RAB27B: variants seen among roughly 807,000 people sequenced by gnomAD.
RAB27B encodes RAB27B, member RAS oncogene family, also known as ras-related protein Rab-27B.
A neutral mutation model predicts 24.6 loss-of-function variants in RAB27B; 15 were observed. The ratio of observed to expected loss-of-function variants is 0.61; its 90% CI spans 0.41 to 0.94. The LOEUF (loss-of-function observed/expected upper bound fraction) is 0.94. RAB27B is among the 40% of genes least tolerant of loss of function. The pLI is 0.00. For synonymous variants in RAB27B, 105 were observed against 92.5 expected, an observed-to-expected ratio of 1.14 and a Z score of -0.78; for missense variants, 261 against 266.8, an observed-to-expected ratio of 0.98 and a Z score of 0.15.
intron 2 of RAB27B, among the ~76,000 whole-genome samples, chr18:54,878,768 T>A (rs202067781): frequency 2.0e-5 from 3 of 146,638 alleles, no homozygotes; most frequent in African/African-American, 7.4e-5. Context: ...TTTAAAAAAA[T>A]TAAACTTACC....
rs1423742777 is a variant in RAB27B, at chr18:54,890,702, A to G, written c.*1289A>G. The stretch of plus-strand genomic sequence containing the variant: ...TATTACAATATGATTTTATTTTGCC[A>G]AAGGCAAGACACCTATAGTTGAGCT... On this transcript the variant is annotated 3_prime_UTR_variant, in exon 6 of 6. Coordinates refer to ENST00000262094, the MANE Select transcript of RAB27B (RefSeq NM_004163.4). The G allele has an allele frequency of 4.6e-5, 7 of 152,152 alleles. No individual in the cohort carries two copies. The highest frequency in any genetic ancestry group is 7.2e-5 in the African/African-American group (3 of 41,448). The allele number at this position is 152,152 out of a possible 1,614,324, so 9.4% of individuals were successfully genotyped here.
At chr18:54,780,545 C>T (rs1368550873) in intron 2 of RAB27B, among the ~76,000 whole-genome samples, 1 of 152,148 alleles carries the variant, frequency 6.6e-6, no homozygotes. Flanking sequence ...ACTGTGTCCT[C>T]GCGTGGCCTT....
chr18:54,736,826 A>G (rs186056909), intron 2 of RAB27B, among the ~76,000 whole-genome samples: 1 of 152,302 alleles, frequency 6.6e-6, no homozygotes, highest in East Asian at 1.9e-4. Context: ...TGAGTTTTTC[A>G]TTGGATAGGA....
At chr18:54,768,397 G>A (rs1261127904) in intron 2 of RAB27B, among the ~76,000 whole-genome samples, 2 of 152,064 alleles carry the variant, frequency 1.3e-5, no homozygotes, top group African/African-American at 4.8e-5. Context: ...TTGTTTGAAG[G>A]TACCGAACAG....
Position 54,855,290 on chromosome 18 carries a change from G to T in RAB27B, c.-19-22277G>T, listed in dbSNP as rs9946443. ...CAGATGAAGCTTTGCTTCCTCACTG[G>T]CTGCTCACCTCCTGCTGTGCAGCCC... On this transcript the variant is annotated intron_variant, in intron 1 of 5. Coordinates refer to ENST00000262094, the MANE Select transcript of RAB27B (RefSeq NM_004163.4). 4.1e-3 allele frequency among the ~76,000 whole-genome samples: 630 copies of T among 152,282 alleles called. 4 individuals carry two copies. Among genetic ancestry groups the T allele is most frequent in the African/African-American group, 0.014 (601 of 41,548 alleles).
At chr18:54,793,044 A>G (rs1435631045) in intron 2 of RAB27B, among the ~76,000 whole-genome samples, 2 of 151,618 alleles carry the variant, frequency 1.3e-5, no homozygotes, top group East Asian at 1.9e-4. Flanking sequence ...AAAAATCTGC[A>G]TTTAAATTGA....
chr18:54,764,641 T>C (rs909250483), intron 2 of RAB27B, among the ~76,000 whole-genome samples: 1 of 151,516 alleles, frequency 6.6e-6, no homozygotes, highest in Non-Finnish European at 1.5e-5. Flanking sequence ...CCTCCACCAA[T>C]CCTATTCTCT....
intron 2 of RAB27B, among the ~76,000 whole-genome samples, chr18:54,819,948 A>T (rs1444443847): frequency 1.3e-5 from 2 of 151,942 alleles, no homozygotes; most frequent in African/African-American, 2.4e-5. Context: ...AAGGATATGA[A>T]CTCATCATTT....
intron 2 of RAB27B, among the ~76,000 whole-genome samples, chr18:54,733,460 C>T (rs928813780): frequency 1.3e-5 from 2 of 152,070 alleles, no homozygotes; most frequent in African/African-American, 2.4e-5. Context: ...GTGTAGAACT[C>T]TACAATATTG....
intron 2 of RAB27B, among the ~76,000 whole-genome samples, chr18:54,804,241 G>T (rs528656752): frequency 3.9e-5 from 6 of 152,158 alleles, no homozygotes; most frequent in Non-Finnish European, 8.8e-5. Flanking sequence ...CCAAATAACT[G>T]GTGGTATGGT....
At chr18:54,763,475 G>A (rs1908260526) in intron 2 of RAB27B, among the ~76,000 whole-genome samples, 2 of 152,092 alleles carry the variant, frequency 1.3e-5, no homozygotes, top group Non-Finnish European at 2.9e-5. Flanking sequence ...AGCTATGATG[G>A]GTTGCATGAT....
intron 1 of RAB27B, among the ~76,000 whole-genome samples, chr18:54,851,466 C>T (rs1911585416): frequency 6.6e-6 from 1 of 151,950 alleles, no homozygotes; most frequent in Non-Finnish European, 1.5e-5. Flanking sequence ...ATTCTTTTCC[C>T]TTTTTTTGCA....
chr18:54,814,018 T>C (rs1169754850), intron 2 of RAB27B, among the ~76,000 whole-genome samples: 1 of 152,218 alleles, frequency 6.6e-6, no homozygotes, highest in African/African-American at 2.4e-5. Context: ...ACTTTCCCTA[T>C]GTATGCTGTT....
chr18:54,795,148 C>G (rs937330064), intron 2 of RAB27B, among the ~76,000 whole-genome samples: 3 of 152,112 alleles, frequency 2.0e-5, no homozygotes, highest in African/African-American at 4.8e-5. Flanking sequence ...GTGATGCTAC[C>G]ACAATGCCAT....
Position 54,890,908 on chromosome 18 carries a change from C to A in RAB27B, c.*1495C>A, listed in dbSNP as rs976442051. On this transcript the variant is annotated 3_prime_UTR_variant, in exon 6 of 6. Transcript: ENST00000262094. Reference sequence around the variant, plus strand: ...TTACATTAATTTTTAATCTTAGTTTCTGATAAACACAAGCCATTCCTATCA... The same window carrying A: ...TTACATTAATTTTTAATCTTAGTTTATGATAAACACAAGCCATTCCTATCA... 1 of 151,910 alleles carries A rather than the reference C, an allele frequency of 6.6e-6. No homozygotes were observed. Among genetic ancestry groups the A allele is most frequent in the South Asian group, 2.1e-4 (1 of 4,824 alleles). The allele number at this position is 151,910 out of a possible 1,614,324, so 9.4% of individuals were successfully genotyped here. A position where few individuals can be genotyped will look rare whatever the true frequency, so the allele number is the denominator to read the frequency against.
intron 4 of RAB27B, 49 bp downstream of exon 4, chr18:54,884,485 C>T (rs3737477): frequency 0.3 from 360,830 of 1,211,928 alleles, 56,695 homozygotes; most frequent in East Asian, 0.46. Flanking sequence ...ACTCAACTGC[C>T]TTAGGTGCTT....
chr18:54,880,334 AT>A (rs1194762348), intron 3 of RAB27B: 1 of 152,172 alleles, frequency 6.6e-6, no homozygotes, highest in Non-Finnish European at 1.5e-5. Context: ...GGGATCCAAA[AT>A]TTCAAAGTGC....
intron 2 of RAB27B, among the ~76,000 whole-genome samples, chr18:54,759,420 C>T (rs1908109570): frequency 6.6e-6 from 1 of 152,138 alleles, no homozygotes; most frequent in African/African-American, 2.4e-5. Context: ...CAAATGAAGG[C>T]ATTCGATGGT....
chr18:54,839,299 C>G (rs1568089823), intron 1 of RAB27B, among the ~76,000 whole-genome samples: 1 of 152,128 alleles, frequency 6.6e-6, no homozygotes, highest in African/African-American at 2.4e-5. Flanking sequence ...TTAATGGGAA[C>G]AGTTTTGCAA....
Sources: allele counts gnomAD v4.1 joint callset (sites outside exome capture counted in the v4.1 genomes callset), GRCh38; gene constraint gnomAD v4.1.1; transcripts MANE v1.5; gene names NCBI Gene and HGNC (gene_info 2026-07-23, HGNC 2026-07-21).